Variants in WNT9A observed in about 807,000 individuals in gnomAD.
WNT9A encodes protein Wnt-9a.
A neutral mutation model predicts 31.4 loss-of-function variants in WNT9A; 8 were observed. That is an observed-to-expected ratio of 0.26 (90% confidence interval 0.15 to 0.46). The LOEUF is 0.46. Ranked by LOEUF, WNT9A falls within the 20% of genes least tolerant of loss-of-function variation. The pLI is 0.99. For missense variants in WNT9A, 457 were observed against 522.9 expected, an observed-to-expected ratio of 0.87 and a Z score of 1.23; for synonymous variants, 236 against 220.1, an observed-to-expected ratio of 1.07 and a Z score of -0.64.
At chr1:227,938,604 CATACATGT>C (rs567203065) in intron 1 of WNT9A, among the ~76,000 whole-genome samples, 167 of 152,238 alleles carry the variant, frequency 1.1e-3, no homozygotes, top group Non-Finnish European at 1.8e-3. Context: ...CCCCCACATG[CATACATGT>C]ATACACACAT....
chr1:227,938,861 G>T (rs1462099240), intron 1 of WNT9A, among the ~76,000 whole-genome samples: 1 of 152,238 alleles, frequency 6.6e-6, no homozygotes, highest in Non-Finnish European at 1.5e-5. Flanking sequence ...AGAAACTGAG[G>T]TTCAGGGGAT....
chr1:227,927,139 G>A (rs973167239), intron 1 of WNT9A, among the ~76,000 whole-genome samples: 14 of 152,236 alleles, frequency 9.2e-5, no homozygotes, highest in African/African-American at 2.4e-4. Flanking sequence ...ATGAGCCCTC[G>A]GAGTTGAGCC....
intron 1 of WNT9A, among the ~76,000 whole-genome samples, chr1:227,946,335 GC>G (rs1235413781): frequency 6.6e-6 from 1 of 152,264 alleles, no homozygotes; most frequent in Non-Finnish European, 1.5e-5. Flanking sequence ...AGCCGCTGCA[GC>G]CTGGACAAGC....
rs4266877 is a variant in WNT9A, at chr1:227,919,330, G to A, written c.*2188C>T. On this transcript the variant is annotated 3_prime_UTR_variant, in exon 4 of 4. Transcript: ENST00000272164. ...TCACCAGACAAAGGACAAACCCAGC[G>A]TCTTGCACCCACACTGTGGTACGGG... 0.28 allele frequency: 42,439 copies of A among 151,970 alleles called. 6,683 individuals carry two copies. The highest frequency in any genetic ancestry group is 0.42 in the African/African-American group (17,514 of 41,390). 9.4% of individuals were successfully genotyped at this position (151,970 alleles called of 1,614,324 possible).
At chr1:227,933,092 G>A (rs541801329) in intron 1 of WNT9A, among the ~76,000 whole-genome samples, 1 of 152,308 alleles carries the variant, frequency 6.6e-6, no homozygotes, top group Admixed American at 6.5e-5. Context: ...AGTCCCAGAT[G>A]ACATCTTCTT....
At position 227,942,064 on chromosome 1, in the gene WNT9A, C is replaced by T. The variant is rs1666717319; in HGVS notation, c.95+5729G>A. Among the ~76,000 whole-genome samples, 1 of 152,134 alleles carries T rather than the reference C, an allele frequency of 6.6e-6. No homozygotes were observed. The highest frequency in any genetic ancestry group is 6.5e-5 in the Admixed American group (1 of 15,284). ...CTTCTTTGATGGCCAAACCCCAGAG[C>T]AGGGCACCCCCAGCCCGGGCCACCC... On this transcript the variant is annotated intron_variant, in intron 1 of 3. Transcript: ENST00000272164. This position sits in a 1 kb window ranked among gnomAD's most constrained non-coding sequence, Gnocchi z 5.7.
chr1:227,922,204 C>T (rs1230896503), intron 3 of WNT9A, among the ~76,000 whole-genome samples: 1 of 152,204 alleles, frequency 6.6e-6, no homozygotes, highest in Non-Finnish European at 1.5e-5. Context: ...CTGCCGACTG[C>T]CCAAGACAGA....
In WNT9A at chr1:227,918,998, A is replaced by G. The variant is rs548814396; in HGVS notation, c.*2520T>C. 6.6e-6 allele frequency: 1 copy of G among 152,382 alleles called. No homozygotes were observed. The highest frequency in any genetic ancestry group is 2.4e-5 in the African/African-American group (1 of 41,598). The allele number at this position is 152,382 out of a possible 1,614,324, so 9.4% of individuals were successfully genotyped here. A position where few individuals can be genotyped will look rare whatever the true frequency, so the allele number is the denominator to read the frequency against. On this transcript the variant is annotated 3_prime_UTR_variant, in exon 4 of 4. Transcript: ENST00000272164. ...CGCATGAAACAGGAGGCTCCGGCTG[A>G]GCGGCCTCTTCATCCAGCAAGACAT...
chr1:227,929,337 C>T (rs1478623628), intron 1 of WNT9A, among the ~76,000 whole-genome samples: 2 of 152,198 alleles, frequency 1.3e-5, no homozygotes, highest in Admixed American at 6.5e-5. Flanking sequence ...ATGGGAATAT[C>T]GTCAAGGACA....
chr1:227,946,109 G>A (rs963352373), intron 1 of WNT9A, among the ~76,000 whole-genome samples: 6 of 152,050 alleles, frequency 3.9e-5, no homozygotes, highest in Non-Finnish European at 7.4e-5. Flanking sequence ...GGGCCAAGGG[G>A]GCCTGGCCAG....
chr1:227,930,130 A>G (rs1344668474), intron 1 of WNT9A, among the ~76,000 whole-genome samples: 1 of 152,226 alleles, frequency 6.6e-6, no homozygotes, highest in East Asian at 1.9e-4. Context: ...GCCTTGTTAT[A>G]GGAACGTGCT....
chr1:227,925,460 G>A lies in WNT9A; in HGVS notation c.155C>T (p.Ala52Val). ...LPLTLEPEAAAQAHYKACDRL... is the reference protein window; with the variant it reads ...LPLTLEPEAAVQAHYKACDRL... ...GTCGCAGGCCTTGTAGTGCGCCTGG[G>A]CAGCCGCCTCTGGCTCCAGGGTCAG... The change falls in exon 2 of 4, where the codon GCC (alanine) becomes GTC (valine). Residue 52 changes from alanine (A) to valine (V), a missense_variant. Physicochemically the swap from Ala to Val is moderately conservative, Grantham distance 64. Coordinates refer to ENST00000272164, the MANE Select transcript of WNT9A (RefSeq NM_003395.4). This position sits in a 1 kb window ranked among gnomAD's most constrained non-coding sequence, Gnocchi z 6.0. 1 of 1,580,244 alleles carries A rather than the reference G, an allele frequency of 6.3e-7. No individual in the cohort carries two copies. The highest frequency in any genetic ancestry group is 1.8e-5 in the Admixed American group (1 of 57,038).
At chr1:227,927,429 G>A (rs1666437568) in intron 1 of WNT9A, among the ~76,000 whole-genome samples, 1 of 152,214 alleles carries the variant, frequency 6.6e-6, no homozygotes, top group Non-Finnish European at 1.5e-5. Flanking sequence ...GCTGAGGTTG[G>A]AAGAGGCCGC....
Position 227,918,781 on chromosome 1 carries a change from T to C in WNT9A, c.*2737A>G, listed in dbSNP as rs750754145. 2.0e-5 allele frequency: 3 copies of C among 152,256 alleles called. No individual in the cohort carries two copies. The highest frequency in any genetic ancestry group is 4.4e-5 in the Non-Finnish European group (3 of 68,054). The allele number at this position is 152,256 out of a possible 1,614,324, so 9.4% of individuals were successfully genotyped here. ...CCACACAGATGAGGTAGAGAAATCATTGCACGCACGGAGACTCGGAGCACA... is the reference window on the plus strand; with the variant it reads ...CCACACAGATGAGGTAGAGAAATCACTGCACGCACGGAGACTCGGAGCACA... On this transcript the variant is annotated 3_prime_UTR_variant, in exon 4 of 4. Transcript: ENST00000272164.
At chr1:227,930,244 G>A (rs950824284) in intron 1 of WNT9A, among the ~76,000 whole-genome samples, 88 of 152,250 alleles carry the variant, frequency 5.8e-4, no homozygotes, top group Non-Finnish European at 3.4e-4. Context: ...ATGCCGAGTC[G>A]CGCCCCAGGT....
chr1:227,945,757 AC>A (rs1666784320), intron 1 of WNT9A, among the ~76,000 whole-genome samples: 1 of 151,540 alleles, frequency 6.6e-6, no homozygotes, highest in African/African-American at 2.4e-5. Context: ...GCCAGGAGCC[AC>A]AGCAGGAGAG....
At chr1:227,924,018 A>G (rs1261916118) in intron 3 of WNT9A, 120 bp downstream of exon 3, 1 of 1,375,624 alleles carries the variant, frequency 7.3e-7, no homozygotes, top group Admixed American at 2.3e-5. Flanking sequence ...ACAGGAGGCC[A>G]CTCCACTGTG....
chr1:227,944,008 C>T (rs1666756907), intron 1 of WNT9A, among the ~76,000 whole-genome samples: 1 of 152,048 alleles, frequency 6.6e-6, no homozygotes, highest in African/African-American at 2.4e-5. Flanking sequence ...ACATCACATG[C>T]ATGTGACCCA....
At chr1:227,941,578 A>C (rs1246305941) in intron 1 of WNT9A, 5 of 154,282 alleles carry the variant, frequency 3.2e-5, no homozygotes, top group Non-Finnish European at 7.3e-5. Context: ...TTCCTGCAAG[A>C]AGCAGCAGCT....
Sources: gnomAD v4.1 joint callset for allele counts (sites outside exome capture counted in the v4.1 genomes callset) on GRCh38, gnomAD v4.1.1 for gene constraint, Gnocchi (gnomAD v3.1) non-coding constraint, MANE v1.5 for transcripts, NCBI Gene and HGNC (gene_info 2026-07-23, HGNC 2026-07-21) for gene names.